Variants in UBE3D observed in about 807,000 individuals in gnomAD.
The protein encoded by UBE3D is ubiquitin protein ligase E3D.
Under a neutral mutation model 49.6 loss-of-function variants are expected in UBE3D, and 48 were observed. The observed-to-expected ratio is 0.97, with a 90% confidence interval of 0.77 to 1.23. The LOEUF (loss-of-function observed/expected upper bound fraction) is 1.23, where lower values mean the gene tolerates loss of function less well. UBE3D is among the 50% of genes most tolerant of loss of function. UBE3D has a pLI of 0.00. For synonymous variants in UBE3D, 189 were observed against 174.2 expected (o/e 1.08, Z -0.67); for missense variants, 452 against 468.4 (o/e 0.96, Z 0.32).
intron 9 of UBE3D, among the ~76,000 whole-genome samples, chr6:82,951,225 A>G (rs1775773029): frequency 6.6e-6 from 1 of 152,166 alleles, no homozygotes. Flanking sequence ...CCATAAATAT[A>G]TATACCTACT....
At chr6:82,939,684 A>G (rs999423261) in intron 9 of UBE3D, among the ~76,000 whole-genome samples, 2 of 152,150 alleles carry the variant, frequency 1.3e-5, no homozygotes, top group Non-Finnish European at 2.9e-5. Context: ...CAGCCCATCT[A>G]GGTTTGTGTC....
intron 3 of UBE3D, among the ~76,000 whole-genome samples, chr6:83,046,823 C>T (rs1203633973): frequency 6.6e-6 from 1 of 152,076 alleles, no homozygotes; most frequent in Non-Finnish European, 1.5e-5. Context: ...AAGACCAATC[C>T]ATGAATTCAA....
chr6:82,927,760 T>C (rs1321911315), intron 9 of UBE3D, among the ~76,000 whole-genome samples: 6 of 151,810 alleles, frequency 4.0e-5, no homozygotes, highest in African/African-American at 1.4e-4. Context: ...GAGGGTTTTT[T>C]TTTTTTTAAT....
intron 8 of UBE3D, among the ~76,000 whole-genome samples, chr6:82,965,442 G>A (rs777197061): frequency 6.6e-6 from 1 of 151,972 alleles, no homozygotes; most frequent in African/African-American, 2.4e-5. Context: ...AATTAGCCAG[G>A]TGTGGTGGCG....
At chr6:82,942,961 A>C (rs1176044840) in intron 9 of UBE3D, among the ~76,000 whole-genome samples, 1 of 152,202 alleles carries the variant, frequency 6.6e-6, no homozygotes, top group Non-Finnish European at 1.5e-5. Context: ...GCACCTGCAC[A>C]GACACTCAAC....
At chr6:83,031,204 T>A (rs567353267) in intron 5 of UBE3D, among the ~76,000 whole-genome samples, 29 of 152,280 alleles carry the variant, frequency 1.9e-4, no homozygotes, top group African/African-American at 6.5e-4. Flanking sequence ...AGACAAGGTT[T>A]CACCATTTTG....
At position 83,057,934 on chromosome 6, in the gene UBE3D, G is replaced by A. The variant is rs758542673; in HGVS notation, c.166C>T (p.Gln56Ter). The A allele has an allele frequency of 3.1e-6, 5 of 1,614,180 alleles. No individual in the cohort carries two copies. The South Asian group carries it at 5.5e-5, about 18-fold the overall frequency. ...MKTPEGCTEI[Q>*]LPAEVRLVPS... ...ACAAGCCTGACCTCTGCTGGAAGCT[G>A]GATTTCTGTGCAGCCTTCAGGGGTT... The change falls in exon 2 of 10, where the codon CAG becomes TAG. Residue 56 changes from glutamine to a stop codon, truncating the protein, a stop_gained. Coordinates refer to ENST00000369747, the MANE Select transcript of UBE3D (RefSeq NM_198920.3). LOFTEE classifies it high-confidence loss of function.
At chr6:82,941,310 G>T (rs1774995529) in intron 9 of UBE3D, among the ~76,000 whole-genome samples, 1 of 150,724 alleles carries the variant, frequency 6.6e-6, no homozygotes, top group South Asian at 2.1e-4. Flanking sequence ...TATGAAAAAA[G>T]GTTTTATTTT....
At chr6:83,019,358 T>C (rs1780927162) in intron 7 of UBE3D, among the ~76,000 whole-genome samples, 1 of 141,888 alleles carries the variant, frequency 7.0e-6, no homozygotes, top group Non-Finnish European at 1.5e-5. Flanking sequence ...TCGGAGAAAA[T>C]ATGCATAAGT....
intron 9 of UBE3D, among the ~76,000 whole-genome samples, chr6:82,914,595 C>T (rs1016842806): frequency 6.6e-6 from 1 of 152,116 alleles, no homozygotes; most frequent in East Asian, 1.9e-4. Context: ...TAGTGTTCTG[C>T]TCCATTAGCT....
At chr6:83,046,627 A>G (rs1194277422) in intron 3 of UBE3D, among the ~76,000 whole-genome samples, 3 of 135,486 alleles carry the variant, frequency 2.2e-5, no homozygotes, top group African/African-American at 8.3e-5. Flanking sequence ...AGCACATGTT[A>G]TAAATGCTGG....
intron 9 of UBE3D, among the ~76,000 whole-genome samples, chr6:82,929,358 T>C (rs1025822958): frequency 2.6e-5 from 4 of 152,098 alleles, no homozygotes; most frequent in African/African-American, 9.7e-5. Context: ...ACTGTAATTT[T>C]TGCTAAGCTT....
intron 9 of UBE3D, among the ~76,000 whole-genome samples, chr6:82,953,488 C>A (rs1775944422): frequency 6.6e-6 from 1 of 152,182 alleles, no homozygotes; most frequent in Non-Finnish European, 1.5e-5. Context: ...ACTGCCCCAG[C>A]AGAGAAAGGG....
chr6:83,016,429 A>G (rs1388687483), intron 8 of UBE3D, among the ~76,000 whole-genome samples: 4 of 152,116 alleles, frequency 2.6e-5, no homozygotes, highest in African/African-American at 9.7e-5. Flanking sequence ...CCATGCTATC[A>G]GAAGTAGAGT....
Position 82,957,313 on chromosome 6 carries a change from T to C in UBE3D, c.1148A>G (p.Gln383Arg). 5 of 1,613,508 alleles carry C rather than the reference T, an allele frequency of 3.1e-6. No individual in the cohort carries two copies. Among genetic ancestry groups the C allele is most frequent in the Non-Finnish European group, 4.2e-6 (5 of 1,179,856 alleles). The part of the protein sequence containing the change: ...PSSLRRVNSF[Q>R]VAFLKM ...CCTAGAAAAGAAGCCATTGCTCACC[T>C]GAAAGGAATTCACACGGCGAAGGGA... The change falls in exon 9 of 10, where the codon CAG (glutamine) becomes CGG (arginine). Residue 383 changes from glutamine (Q) to arginine (R), a missense_variant and splice_region_variant. By Grantham distance (43) the Gln-to-Arg change is conservative. Transcript: ENST00000369747.
At chr6:83,061,831 G>A (rs1359455502) in intron 1 of UBE3D, among the ~76,000 whole-genome samples, 3 of 152,068 alleles carry the variant, frequency 2.0e-5, no homozygotes, top group African/African-American at 7.2e-5. Context: ...ACATGTACCA[G>A]CACACTGCCA....
chr6:83,054,002 G>C (rs1783646949), intron 3 of UBE3D, 146 bp downstream of exon 3: 10 of 634,942 alleles, frequency 1.6e-5, no homozygotes, highest in Middle Eastern at 4.3e-4. Flanking sequence ...CAAGTTTTGT[G>C]GCTAATTTTG....
chr6:83,038,017 A>C (rs2127803949), intron 5 of UBE3D: 1 of 153,090 alleles, frequency 6.5e-6, no homozygotes, highest in African/African-American at 2.4e-5. Context: ...ATTAAGAAAA[A>C]AGCTCTGTTT....
intron 9 of UBE3D, among the ~76,000 whole-genome samples, chr6:82,896,385 T>C (rs1364694285): frequency 6.6e-6 from 1 of 151,914 alleles, no homozygotes; most frequent in African/African-American, 2.4e-5. Flanking sequence ...ATTTCTGGAA[T>C]ATAGTTACAA....
Sources: gnomAD v4.1 joint callset for allele counts (sites outside exome capture counted in the v4.1 genomes callset) on GRCh38, gnomAD v4.1.1 for gene constraint, MANE v1.5 for transcripts, NCBI Gene and HGNC (gene_info 2026-07-23, HGNC 2026-07-21) for gene names.